GABBR2: variants seen among roughly 807,000 people sequenced by gnomAD.
GABBR2 encodes the protein G-protein coupled receptor 51.
Under a neutral mutation model 105.6 loss-of-function variants are expected in GABBR2, and 23 were observed. The ratio of observed to expected loss-of-function variants is 0.22; its 90% CI spans 0.16 to 0.31. The LOEUF is 0.31. GABBR2 is among the 10% of genes least tolerant of loss of function. GABBR2 has a pLI of 1.00. For missense variants in GABBR2, 734 were observed against 1,245.5 expected (o/e 0.59, Z 6.18); for synonymous variants, 478 against 499.7 (o/e 0.96, Z 0.58).
At chr9:98,598,955 G>GC (rs1829279557) in intron 1 of GABBR2, among the ~76,000 whole-genome samples, 5 of 152,048 alleles carry the variant, frequency 3.3e-5, no homozygotes, top group Non-Finnish European at 7.4e-5. Context: ...TGGCTCCCCT[G>GC]CCCCCTACCT....
intron 13 of GABBR2, among the ~76,000 whole-genome samples, chr9:98,342,439 A>C (rs1831229957): frequency 6.6e-6 from 1 of 152,164 alleles, no homozygotes. Context: ...TAAGGAGTAC[A>C]GACTTCATCC....
At chr9:98,511,013 C>A (rs1478422190) in intron 3 of GABBR2, among the ~76,000 whole-genome samples, 1 of 152,062 alleles carries the variant, frequency 6.6e-6, no homozygotes, top group Non-Finnish European at 1.5e-5. Context: ...AAGTAAAGCA[C>A]TCCTCAGCAA....
intron 1 of GABBR2, among the ~76,000 whole-genome samples, chr9:98,583,920 C>T (rs1829035576): frequency 6.6e-6 from 1 of 152,242 alleles, no homozygotes; most frequent in East Asian, 1.9e-4. Flanking sequence ...GAGCCAGGAA[C>T]ATGCCAGAAG....
At chr9:98,574,536 C>T (rs138036165) in intron 2 of GABBR2, among the ~76,000 whole-genome samples, 8 of 152,332 alleles carry the variant, frequency 5.3e-5, no homozygotes, top group African/African-American at 1.9e-4. Flanking sequence ...CACCATGGAG[C>T]AAACACAAGC....
rs190652956 is a variant in GABBR2 at position 98,593,767 on chromosome 9, G to C, written c.322-15695C>G. 8.7e-4 allele frequency among the ~76,000 whole-genome samples: 132 copies of C among 152,270 alleles called. 1 individual carries two copies. Among genetic ancestry groups the C allele is most frequent in the African/African-American group, 3.0e-3 (125 of 41,560 alleles). On this transcript the variant is annotated intron_variant, in intron 1 of 18. Coordinates refer to ENST00000259455, the MANE Select transcript of GABBR2 (RefSeq NM_005458.8). Reference sequence around the variant, plus strand: ...ACTGGCCGCCTGCTCACAGATGAAGGGGGGCTGTAGGGTGGGTCCTCACCC... The same window carrying C: ...ACTGGCCGCCTGCTCACAGATGAAGCGGGGCTGTAGGGTGGGTCCTCACCC...
chr9:98,387,457 G>T (rs1373721680), intron 10 of GABBR2, among the ~76,000 whole-genome samples: 1 of 152,200 alleles, frequency 6.6e-6, no homozygotes, highest in African/African-American at 2.4e-5. Flanking sequence ...GTGCTAAGAG[G>T]TATGTTGAGC....
rs531587368 is a variant in GABBR2 at position 98,328,854 on chromosome 9, G to C, written c.1894-17649C>G. 3.3e-5 allele frequency among the ~76,000 whole-genome samples: 5 copies of C among 152,264 alleles called. No individual in the cohort carries two copies. The East Asian group carries it at 7.7e-4, about 24-fold the overall frequency. On this transcript the variant is annotated intron_variant, in intron 13 of 18. Transcript: ENST00000259455. ...GGAAGTCCAGTCGACTAGGAGACAG[G>C]GGGTATGGTGGGTAGCAAGGTGGTT...
At chr9:98,543,098 T>A (rs1828335434) in intron 2 of GABBR2, among the ~76,000 whole-genome samples, 1 of 152,092 alleles carries the variant, frequency 6.6e-6, no homozygotes, top group Non-Finnish European at 1.5e-5. Flanking sequence ...TATTTCTTCT[T>A]TTTCTTTTAA....
rs549027682 is a variant in GABBR2, at chr9:98,533,193, T to G, written c.630+8680A>C. On this transcript the variant is annotated intron_variant, in intron 3 of 18. Transcript: ENST00000259455. ...TCTGTCCCACCAAAGGGGCCTCGGG[T>G]CAACTCCTTTAAAGTTACTGCTTAC... is the stretch of plus-strand genomic sequence containing the variant. Among the ~76,000 whole-genome samples, 3 of 152,180 alleles carry G rather than the reference T, an allele frequency of 2.0e-5. No individual in the cohort carries two copies. The South Asian group carries it at 6.2e-4, about 32-fold the overall frequency.
intron 7 of GABBR2, among the ~76,000 whole-genome samples, chr9:98,425,959 A>G (rs867338878): frequency 6.6e-6 from 1 of 152,212 alleles, no homozygotes; most frequent in Non-Finnish European, 1.5e-5. Context: ...ATTGTATTCC[A>G]ATGCTAGAAA....
intron 1 of GABBR2, among the ~76,000 whole-genome samples, chr9:98,617,126 A>G (rs1433702022): frequency 1.3e-5 from 2 of 152,178 alleles, no homozygotes; most frequent in African/African-American, 4.8e-5. Context: ...TAACTTCCCA[A>G]TCCACCACGA....
At chr9:98,453,849 A>C in intron 7 of GABBR2, 132 bp downstream of exon 7, 1 of 715,854 alleles carries the variant, frequency 1.4e-6, no homozygotes, top group Non-Finnish European at 2.5e-6. Flanking sequence ...CTGCAATCCT[A>C]GGGCCTGCAA....
intron 1 of GABBR2, among the ~76,000 whole-genome samples, chr9:98,599,800 G>A (rs557945011): frequency 3.9e-5 from 6 of 152,296 alleles, no homozygotes; most frequent in South Asian, 4.1e-4. Context: ...GAGAAGAGGG[G>A]GACAGCACAG....
intron 1 of GABBR2, among the ~76,000 whole-genome samples, chr9:98,589,431 G>A (rs958426857): frequency 1.3e-4 from 20 of 152,142 alleles, no homozygotes; most frequent in Admixed American, 3.3e-4. Flanking sequence ...AAACTTCTGG[G>A]CTATAGAGGT....
In GABBR2 at chr9:98,454,369, C is replaced by A; in HGVS notation, c.1000-152G>T. ...GCATTATCTCATTTAACCCTCACAA[C>A]AACCTCATAAGGTGGGTACTGTTAT... On this transcript the variant is annotated intron_variant, in intron 6 of 18. Transcript: ENST00000259455. The surrounding 1 kb of genome is among the most constrained non-coding windows in gnomAD (Gnocchi z 4.6). 1.5e-6 allele frequency: 1 copy of A among 651,484 alleles called. No individual in the cohort carries two copies. The highest frequency in any genetic ancestry group is 2.8e-6 in the Non-Finnish European group (1 of 359,728). The allele number at this position is 651,484 out of a possible 1,614,324, so 40.4% of individuals were successfully genotyped here.
At chr9:98,612,597 A>G (rs2131814933) in intron 1 of GABBR2, among the ~76,000 whole-genome samples, 1 of 152,374 alleles carries the variant, frequency 6.6e-6, no homozygotes, top group African/African-American at 2.4e-5. Context: ...CCAAGGTGGT[A>G]TCGCAAATTA....
At chr9:98,529,022 C>G (rs1057113841) in intron 3 of GABBR2, among the ~76,000 whole-genome samples, 1 of 152,070 alleles carries the variant, frequency 6.6e-6, no homozygotes, top group Non-Finnish European at 1.5e-5. Context: ...ATAACGGCAG[C>G]CTTCTTGAGT....
At chr9:98,501,832 G>C (rs1040391111) in intron 3 of GABBR2, among the ~76,000 whole-genome samples, 4 of 152,204 alleles carry the variant, frequency 2.6e-5, no homozygotes, top group Admixed American at 1.3e-4. Flanking sequence ...ATAAAGCTAA[G>C]AGCCAGGAGA....
chr9:98,539,682 C>A (rs965155307), intron 3 of GABBR2, among the ~76,000 whole-genome samples: 3 of 152,018 alleles, frequency 2.0e-5, no homozygotes, highest in African/African-American at 7.2e-5. Flanking sequence ...CTTTGGGAAG[C>A]TGAGGTGAGC....
Sources: allele counts gnomAD v4.1 joint callset (sites outside exome capture counted in the v4.1 genomes callset), GRCh38; gene constraint gnomAD v4.1.1; non-coding constraint Gnocchi (gnomAD v3.1); transcripts MANE v1.5; gene names NCBI Gene and HGNC (gene_info 2026-07-23, HGNC 2026-07-21).